SNTG2: variants seen among roughly 807,000 people sequenced by gnomAD.
SNTG2 encodes gamma-2-syntrophin.
SNTG2 carries 74 observed loss-of-function variants against 70.9 expected under a neutral mutation model. That is an observed-to-expected ratio of 1.04 (90% CI 0.86 to 1.27). The LOEUF (loss-of-function observed/expected upper bound fraction) is 1.27. Ranked by LOEUF, SNTG2 falls within the 50% of genes most tolerant of loss-of-function variation. The probability of loss-of-function intolerance (pLI) is 0.00; values close to 1 mark genes in which losing one functional copy is unlikely to be tolerated. For synonymous variants in SNTG2, 278 were observed against 273.8 expected, an observed-to-expected ratio of 1.02 and a Z score of -0.15; for missense variants, 717 against 690.7, an observed-to-expected ratio of 1.04 and a Z score of -0.43.
chr2:1,109,227 G>A (rs1480071429), intron 4 of SNTG2, among the ~76,000 whole-genome samples: 4 of 152,102 alleles, frequency 2.6e-5, no homozygotes, highest in South Asian at 4.2e-4. Flanking sequence ...GTTTGCTCTC[G>A]GTGATCACCC....
intron 14 of SNTG2, among the ~76,000 whole-genome samples, chr2:1,289,213 A>G (rs1224959020): frequency 6.6e-6 from 1 of 152,038 alleles, no homozygotes; most frequent in East Asian, 1.9e-4. Flanking sequence ...AATGATGCCA[A>G]TCTTTACTTG....
intron 4 of SNTG2, among the ~76,000 whole-genome samples, chr2:1,100,061 G>A (rs1459566346): frequency 2.6e-5 from 4 of 152,154 alleles, no homozygotes; most frequent in Non-Finnish European, 4.4e-5. Context: ...AAATTTAAGT[G>A]TGATAAGAAA....
At chr2:1,304,672 G>A (rs980788667) in intron 14 of SNTG2, among the ~76,000 whole-genome samples, 4 of 150,768 alleles carry the variant, frequency 2.7e-5, no homozygotes, top group African/African-American at 7.3e-5. Context: ...GTTGCAGTGA[G>A]CCGAGATCAC....
chr2:1,222,081 C>T (rs1380721512), intron 9 of SNTG2, among the ~76,000 whole-genome samples: 1 of 37,014 alleles, frequency 2.7e-5, no homozygotes, highest in African/African-American at 8.8e-5. Context: ...CTGTCTCTGT[C>T]TCTGTCTCTC....
At chr2:1,307,563 G>A (rs1307705291) in intron 14 of SNTG2, among the ~76,000 whole-genome samples, 2 of 152,076 alleles carry the variant, frequency 1.3e-5, no homozygotes, top group African/African-American at 4.8e-5. Context: ...GGGTGGCTCA[G>A]AGACAGGCCC....
chr2:974,890 T>C (rs1660859564), intron 1 of SNTG2, among the ~76,000 whole-genome samples: 1 of 152,182 alleles, frequency 6.6e-6, no homozygotes, highest in Non-Finnish European at 1.5e-5. Flanking sequence ...CTTTATGTAT[T>C]CTACATATAT....
At position 1,341,991 on chromosome 2, in the gene SNTG2, G is replaced by C. The variant is rs180697619; in HGVS notation, c.1489-25352G>C. Among the ~76,000 whole-genome samples, 333 of 152,150 alleles carry C rather than the reference G, an allele frequency of 2.2e-3. 3 individuals are homozygous for C. Among genetic ancestry groups the C allele is most frequent in the African/African-American group, 7.7e-3 (319 of 41,532 alleles). On this transcript the variant is annotated intron_variant, in intron 16 of 16. Transcript: ENST00000308624. ...CTCCCAAAGCACTGGGATTACAGCT[G>C]TGCACCACCTCACCCAGCCTGTTTT...
chr2:1,111,400 T>TA (rs1209630527), intron 4 of SNTG2, among the ~76,000 whole-genome samples: 1 of 152,182 alleles, frequency 6.6e-6, no homozygotes, highest in Admixed American at 6.5e-5. Context: ...GGGCCCCTCT[T>TA]ACCTTTGCAG....
intron 1 of SNTG2, among the ~76,000 whole-genome samples, chr2:1,017,118 C>T (rs973487882): frequency 2.0e-5 from 3 of 152,116 alleles, no homozygotes; most frequent in African/African-American, 7.2e-5. Context: ...GAGCAGGGTG[C>T]ACAACTCACC....
chr2:1,321,244 A>T (rs1237216077), intron 16 of SNTG2, among the ~76,000 whole-genome samples: 1 of 152,198 alleles, frequency 6.6e-6, no homozygotes, highest in Non-Finnish European at 1.5e-5. Context: ...GAAGTTTCTG[A>T]TATTCCCACA....
At chr2:1,300,540 T>A (rs1009138324) in intron 14 of SNTG2, among the ~76,000 whole-genome samples, 1 of 152,132 alleles carries the variant, frequency 6.6e-6, no homozygotes, top group Non-Finnish European at 1.5e-5. Context: ...GGCCCCTGCT[T>A]GTAAGGTGGC....
chr2:1,205,620 A>G (rs911001635), intron 8 of SNTG2, among the ~76,000 whole-genome samples: 5 of 152,154 alleles, frequency 3.3e-5, no homozygotes, highest in Admixed American at 6.6e-5. Context: ...CCTGATGCCA[A>G]TTCTTGCTTT....
intron 1 of SNTG2, among the ~76,000 whole-genome samples, chr2:1,050,061 T>A (rs1661970187): frequency 6.6e-6 from 1 of 152,210 alleles, no homozygotes; most frequent in African/African-American, 2.4e-5. Flanking sequence ...TTTGTTTTTA[T>A]TTTTACCGAT....
At chr2:1,121,825 C>T (rs28873988) in intron 4 of SNTG2, among the ~76,000 whole-genome samples, 69,378 of 151,576 alleles carry the variant, frequency 0.46, 16,693 homozygotes, top group East Asian at 0.66. Context: ...AGGGTGATTG[C>T]AGGGATTATA....
At chr2:1,131,084 TAA>T (rs1230531438) in intron 4 of SNTG2, among the ~76,000 whole-genome samples, 1 of 152,218 alleles carries the variant, frequency 6.6e-6, no homozygotes, top group Non-Finnish European at 1.5e-5. Flanking sequence ...GGCCAAACTG[TAA>T]AGTGTCCTGC....
At chr2:1,231,086 T>C (rs976802263) in intron 9 of SNTG2, among the ~76,000 whole-genome samples, 18 of 147,592 alleles carry the variant, frequency 1.2e-4, no homozygotes, top group African/African-American at 4.7e-4. Flanking sequence ...GTGAATTACT[T>C]AGGATAATGA....
intron 16 of SNTG2, among the ~76,000 whole-genome samples, chr2:1,364,922 A>C (rs1207680926): frequency 6.6e-6 from 1 of 152,078 alleles, no homozygotes; most frequent in Non-Finnish European, 1.5e-5. Context: ...AAAAAATAAA[A>C]TTAACCCAAA....
At chr2:1,124,138 CAT>C (rs34597242) in intron 4 of SNTG2, among the ~76,000 whole-genome samples, 75,322 of 151,756 alleles carry the variant, frequency 0.5, 19,451 homozygotes, top group East Asian at 0.66. Flanking sequence ...ATTATAAAAA[CAT>C]GTGAAGTATT....
At chr2:1,046,181 A>G (rs1470144483) in intron 1 of SNTG2, among the ~76,000 whole-genome samples, 1 of 152,124 alleles carries the variant, frequency 6.6e-6, no homozygotes, top group East Asian at 1.9e-4. Context: ...CTGAAATAAG[A>G]ATAGAAAACC....
Sources: allele counts gnomAD v4.1 joint callset (sites outside exome capture counted in the v4.1 genomes callset), GRCh38; gene constraint gnomAD v4.1.1; transcripts MANE v1.5; gene names NCBI Gene and HGNC (gene_info 2026-07-23, HGNC 2026-07-21).